The following KALRN variants were observed in gnomAD, a reference collection of about 807,000 sequenced individuals.
KALRN encodes the protein kalirin RhoGEF kinase.
In KALRN, 70 loss-of-function variants were observed where a neutral mutation model predicts 353.7. The observed-to-expected ratio is 0.20, with a 90% CI of 0.16 to 0.24. The LOEUF (loss-of-function observed/expected upper bound fraction) is 0.24. Ranked by LOEUF, KALRN falls within the 10% of genes least tolerant of loss-of-function variation. The probability of loss-of-function intolerance (pLI) is 1.00; values close to 1 mark genes in which losing one functional copy is unlikely to be tolerated. For missense variants in KALRN, 2,791 were observed against 3,756.7 expected (o/e 0.74, Z 6.72); for synonymous variants, 1,391 against 1,434.8 (o/e 0.97, Z 0.69).
At chr3:124,220,304 C>T (rs1455312440) in intron 1 of KALRN, among the ~76,000 whole-genome samples, 3 of 152,068 alleles carry the variant, frequency 2.0e-5, no homozygotes, top group Admixed American at 6.6e-5. Context: ...CGGCATTTTT[C>T]AACAGTTTCC....
intron 34 of KALRN, among the ~76,000 whole-genome samples, chr3:124,616,726 G>T (rs333317): frequency 0.61 from 93,277 of 151,894 alleles, 29,382 homozygotes; most frequent in East Asian, 0.76. Context: ...AGCACTTTGG[G>T]AGTCCGAGGT....
At chr3:124,689,174 C>G (rs935221585) in intron 51 of KALRN, among the ~76,000 whole-genome samples, 1 of 152,186 alleles carries the variant, frequency 6.6e-6, no homozygotes, top group Non-Finnish European at 1.5e-5. Context: ...ACAATGTCAT[C>G]TTTCCTCCAC....
At chr3:124,713,232 T>G in intron 58 of KALRN, 97 bp downstream of exon 58, 2 of 1,051,590 alleles carry the variant, frequency 1.9e-6, no homozygotes, top group Non-Finnish European at 2.8e-6. Context: ...TTATACAAGG[T>G]CCTATCATTT....
At chr3:124,481,869 T>G (rs981439515) in intron 27 of KALRN, among the ~76,000 whole-genome samples, 2 of 152,230 alleles carry the variant, frequency 1.3e-5, no homozygotes, top group Non-Finnish European at 2.9e-5. Flanking sequence ...CTCTCAATTT[T>G]TATTGGCTAT....
intron 22 of KALRN, 111 bp downstream of exon 22, chr3:124,455,470 A>G (rs1560997141): frequency 2.7e-6 from 3 of 1,099,578 alleles, no homozygotes; most frequent in Non-Finnish European, 2.6e-6. Flanking sequence ...CTTCTGAGCT[A>G]TTGACTCCTA....
intron 1 of KALRN, among the ~76,000 whole-genome samples, chr3:124,198,196 T>A (rs1055717433): frequency 1.3e-5 from 2 of 152,176 alleles, no homozygotes; most frequent in African/African-American, 4.8e-5. Context: ...CTAGAGGTCA[T>A]CTAACCTTGG....
At chr3:124,209,631 A>G (rs755081) in intron 1 of KALRN, among the ~76,000 whole-genome samples, 15,847 of 152,080 alleles carry the variant, frequency 0.1, 1,533 homozygotes, top group East Asian at 0.51. Context: ...ATGTGGTTTT[A>G]GAGAAACCAC....
At chr3:124,460,468 G>A (rs766590657) in intron 23 of KALRN, among the ~76,000 whole-genome samples, 2 of 152,136 alleles carry the variant, frequency 1.3e-5, no homozygotes, top group African/African-American at 2.4e-5. Flanking sequence ...GAAAACTTAA[G>A]GCAATAAAAT....
intron 1 of KALRN, among the ~76,000 whole-genome samples, chr3:124,128,983 T>A (rs1183351418): frequency 6.6e-6 from 1 of 152,060 alleles, no homozygotes; most frequent in East Asian, 1.9e-4. Flanking sequence ...ATGGAGTTGT[T>A]CTCAGACATT....
chr3:124,094,959 A>G (rs540762519), intron 1 of KALRN: 9 of 1,450,892 alleles, frequency 6.2e-6, no homozygotes, highest in African/African-American at 5.6e-5. Flanking sequence ...AAATACACAT[A>G]GAGACATAAA....
intron 3 of KALRN, among the ~76,000 whole-genome samples, chr3:124,262,884 T>C (rs1050295669): frequency 6.6e-6 from 1 of 152,202 alleles, no homozygotes; most frequent in African/African-American, 2.4e-5. Flanking sequence ...AAGTGCAGTC[T>C]GGGAAATGGG....
At position 124,637,301 on chromosome 3, in the gene KALRN, C is replaced by A. The variant is rs114877509; in HGVS notation, c.5662C>A (p.Leu1888Met). The change falls in exon 37 of 60, where the codon CTG becomes ATG. Residue 1888 changes from leucine to methionine, a missense_variant and splice_region_variant. This residue lies in a region of KALRN where 1,065 missense variants were observed against 1,156.4 expected (regional missense o/e 0.92). Transcript: ENST00000682506. The stretch of plus-strand genomic sequence containing the variant: ...AATAGAAAAGTTGGTCAAAAACAAG[C>A]TGGTAAGTGGGGGTCCTGGAGGCAG... Reference protein sequence around the residue: ...NAIEKLVKNKLSLEGSSYRGS... With the variant: ...NAIEKLVKNKMSLEGSSYRGS... 269 of 1,612,748 alleles carry A rather than the reference C, an allele frequency of 1.7e-4. No homozygotes were observed. The highest frequency in any genetic ancestry group is 4.0e-4 in the Admixed American group (24 of 60,016).
chr3:124,201,949 G>A (rs1321870981), intron 1 of KALRN, among the ~76,000 whole-genome samples: 1 of 152,156 alleles, frequency 6.6e-6, no homozygotes, highest in Non-Finnish European at 1.5e-5. Flanking sequence ...AGCAGTCTGG[G>A]GCCAGCTGGA....
At chr3:124,656,036 A>G (rs1231264938) in intron 39 of KALRN, among the ~76,000 whole-genome samples, 1 of 152,168 alleles carries the variant, frequency 6.6e-6, no homozygotes, top group Non-Finnish European at 1.5e-5. Context: ...AAAACAGTTC[A>G]TTCTTAGTGG....
At chr3:124,400,536 G>T (rs954897208) in intron 13 of KALRN, among the ~76,000 whole-genome samples, 5 of 152,086 alleles carry the variant, frequency 3.3e-5, no homozygotes, top group African/African-American at 1.2e-4. Flanking sequence ...ATTTCAGGTG[G>T]CAAGTAGTAT....
intron 1 of KALRN, among the ~76,000 whole-genome samples, chr3:124,083,443 A>C (rs1177306913): frequency 6.6e-6 from 1 of 152,168 alleles, no homozygotes; most frequent in Admixed American, 6.5e-5. Context: ...CAGTGTTCCA[A>C]GCCTAGGAAG....
chr3:124,555,719 A>G (rs2109699591), intron 33 of KALRN, among the ~76,000 whole-genome samples: 1 of 152,318 alleles, frequency 6.6e-6, no homozygotes, highest in Non-Finnish European at 1.5e-5. Context: ...TCAGTTATAT[A>G]TCAGGCAATA....
At chr3:124,301,418 A>G (rs1035645082) in intron 6 of KALRN, among the ~76,000 whole-genome samples, 1 of 152,180 alleles carries the variant, frequency 6.6e-6, no homozygotes, top group African/African-American at 2.4e-5. Flanking sequence ...CCAATCTTGT[A>G]GCCTCCCTCA....
At chr3:124,711,817 G>C (rs2062900995) in intron 57 of KALRN, among the ~76,000 whole-genome samples, 1 of 152,186 alleles carries the variant, frequency 6.6e-6, no homozygotes, top group Non-Finnish European at 1.5e-5. Flanking sequence ...ATAGAAAAGA[G>C]ATAGATGAAA....
Sources: allele counts gnomAD v4.1 joint callset (sites outside exome capture counted in the v4.1 genomes callset), GRCh38; gene constraint gnomAD v4.1.1; regional missense constraint gnomAD v4.1.1; transcripts MANE v1.5; gene names NCBI Gene and HGNC (gene_info 2026-07-23, HGNC 2026-07-21).